RBFOX1: variants seen among roughly 807,000 people sequenced by gnomAD.
The protein encoded by RBFOX1 is RNA binding protein fox-1 homolog 1.
Under a neutral mutation model 57.7 loss-of-function variants are expected in RBFOX1, and 8 were observed. The observed-to-expected ratio is 0.14, with a 90% CI of 0.08 to 0.25. RBFOX1 has a LOEUF of 0.25. Among genes scored for constraint, RBFOX1 ranks in the 10% least tolerant of loss-of-function variants. The pLI, the probability that RBFOX1 is intolerant of heterozygous loss-of-function variation, is 1.00. For synonymous variants in RBFOX1, 326 were observed against 222.4 expected, an observed-to-expected ratio of 1.47 and a Z score of -4.15; for missense variants, 611 against 548.5, an observed-to-expected ratio of 1.11 and a Z score of -1.14.
rs71145250 is a variant in RBFOX1 at position 6,562,880 on chromosome 16, CT to C, written c.-63-91705del. Reference sequence around the variant, plus strand: ...TCTTTCTTTCTTTCTTTCTTTCTTTCTTTTTTTTTTTTTTTTTTGCATAGTT... The same window carrying C: ...TCTTTCTTTCTTTCTTTCTTTCTTTCTTTTTTTTTTTTTTTTTGCATAGTT... On this transcript the variant is annotated intron_variant, in intron 2 of 15. Coordinates refer to ENST00000550418, the MANE Select transcript of RBFOX1 (RefSeq NM_018723.4). Among the ~76,000 whole-genome samples, 222 of 51,768 alleles carry C rather than the reference CT, an allele frequency of 4.3e-3. 1 individual carries two copies. Among genetic ancestry groups the C allele is most frequent in the Non-Finnish European group, 7.1e-3 (180 of 25,314 alleles). 34.0% of individuals were successfully genotyped at this position (51,768 alleles called of 152,430 possible).
intron 1 of RBFOX1, among the ~76,000 whole-genome samples, chr16:6,111,063 C>T (rs539036379): frequency 5.9e-5 from 9 of 152,188 alleles, no homozygotes; most frequent in African/African-American, 2.2e-4. Flanking sequence ...ATGGGGAGGT[C>T]AGACCTCATG....
chr16:6,804,203 T>C (rs981968770), intron 3 of RBFOX1, among the ~76,000 whole-genome samples: 1 of 151,884 alleles, frequency 6.6e-6, no homozygotes, highest in African/African-American at 2.4e-5. Flanking sequence ...AGAGATGGGG[T>C]TTCACTTTGT....
intron 11 of RBFOX1, among the ~76,000 whole-genome samples, chr16:7,633,151 T>G (rs2061252553): frequency 1.3e-5 from 2 of 152,138 alleles, no homozygotes; most frequent in Non-Finnish European, 2.9e-5. Context: ...AAACAAAGAA[T>G]GTGCCAGAGA....
At chr16:7,650,368 A>G (rs941424066) in intron 11 of RBFOX1, among the ~76,000 whole-genome samples, 39 of 151,420 alleles carry the variant, frequency 2.6e-4, no homozygotes, top group African/African-American at 9.2e-4. Context: ...GCACTATTTA[A>G]GCCAGGAATT....
intron 5 of RBFOX1, among the ~76,000 whole-genome samples, chr16:7,535,845 G>T (rs936552704): frequency 2.0e-5 from 3 of 152,270 alleles, no homozygotes; most frequent in Admixed American, 6.5e-5. Context: ...TTTATTCTCA[G>T]TGTTAGGCAA....
chr16:7,219,766 C>G (rs1603314147), intron 4 of RBFOX1, among the ~76,000 whole-genome samples: 1 of 152,124 alleles, frequency 6.6e-6, no homozygotes, highest in Non-Finnish European at 1.5e-5. Context: ...TTTAGAAAAG[C>G]CAGACGGATA....
At chr16:7,526,753 A>G (rs1199118345) in intron 5 of RBFOX1, among the ~76,000 whole-genome samples, 1 of 152,196 alleles carries the variant, frequency 6.6e-6, no homozygotes, top group Non-Finnish European at 1.5e-5. Flanking sequence ...CACAATCTCA[A>G]CTAATCTTGG....
intron 11 of RBFOX1, among the ~76,000 whole-genome samples, chr16:7,647,484 T>A (rs935090357): frequency 6.6e-6 from 1 of 152,028 alleles, no homozygotes; most frequent in Non-Finnish European, 1.5e-5. Flanking sequence ...TCAACCTGCG[T>A]CCTTTCCATT....
intron 1 of RBFOX1, among the ~76,000 whole-genome samples, chr16:6,228,289 C>T (rs923708478): frequency 3.3e-5 from 5 of 152,068 alleles, no homozygotes; most frequent in Non-Finnish European, 7.4e-5. Flanking sequence ...TGCCACTGCC[C>T]TCCAGCCTGG....
At chr16:5,607,596 C>G (rs1596426982) in intron 3 of RBFOX1, among the ~76,000 whole-genome samples, 1 of 152,112 alleles carries the variant, frequency 6.6e-6, no homozygotes, top group East Asian at 1.9e-4. Flanking sequence ...GATGGGGTGC[C>G]TAAAATACAG....
At position 7,489,222 on chromosome 16, in the gene RBFOX1, C is replaced by G. The variant is rs989921771; in HGVS notation, c.28-28925C>G. Among the ~76,000 whole-genome samples, 5 of 152,222 alleles carry G rather than the reference C, an allele frequency of 3.3e-5. No homozygotes were observed. In the East Asian group the frequency reaches 9.7e-4, roughly 29 times the overall value. ...TTAGGTAATTTTAGGGAACGTGTAA[C>G]TGATACCTTTTTTTAAATTCAAGAG... On this transcript the variant is annotated intron_variant, in intron 4 of 15. Transcript: ENST00000550418.
At chr16:6,098,626 C>G (rs1475018643) in intron 1 of RBFOX1, among the ~76,000 whole-genome samples, 3 of 152,232 alleles carry the variant, frequency 2.0e-5, no homozygotes, top group African/African-American at 4.8e-5. Context: ...TGCACATTCT[C>G]TGTATTATCT....
At chr16:5,713,625 C>T (rs921342016) in intron 3 of RBFOX1, among the ~76,000 whole-genome samples, 1 of 152,122 alleles carries the variant, frequency 6.6e-6, no homozygotes, top group Non-Finnish European at 1.5e-5. Flanking sequence ...AAAGTACATT[C>T]TATAAGGAGC....
chr16:7,180,250 A>G (rs573956887), intron 4 of RBFOX1, among the ~76,000 whole-genome samples: 76 of 152,280 alleles, frequency 5.0e-4, no homozygotes, highest in Non-Finnish European at 7.3e-4. Flanking sequence ...TGCGTTTTAC[A>G]TATATTAACT....
intron 1 of RBFOX1, among the ~76,000 whole-genome samples, chr16:6,279,653 T>A (rs944646749): frequency 7.9e-5 from 12 of 152,186 alleles, no homozygotes; most frequent in Admixed American, 2.0e-4. Flanking sequence ...AAGAGAAACA[T>A]AAACACACTA....
At chr16:7,669,986 C>T (rs1283936643) in intron 13 of RBFOX1, among the ~76,000 whole-genome samples, 3 of 152,156 alleles carry the variant, frequency 2.0e-5, no homozygotes, top group Non-Finnish European at 4.4e-5. Context: ...CTCCTCACCA[C>T]AGCCCTTGAA....
intron 3 of RBFOX1, among the ~76,000 whole-genome samples, chr16:5,672,087 G>C (rs911591337): frequency 2.0e-5 from 3 of 152,186 alleles, no homozygotes; most frequent in African/African-American, 7.2e-5. Flanking sequence ...TGGGTTGCTG[G>C]TTAGAGGTTT....
chr16:5,407,145 A>G (rs2066889408), intron 1 of RBFOX1, among the ~76,000 whole-genome samples: 1 of 152,122 alleles, frequency 6.6e-6, no homozygotes, highest in African/African-American at 2.4e-5. Context: ...CAAGAGAGAG[A>G]CAGAGTGAAA....
At chr16:6,790,093 T>C (rs1001086294) in intron 3 of RBFOX1, among the ~76,000 whole-genome samples, 15 of 149,476 alleles carry the variant, frequency 1.0e-4, no homozygotes, top group African/African-American at 3.6e-4. Context: ...TCTATTATAT[T>C]GAAATTTTTC....
Sources: allele counts gnomAD v4.1 joint callset (sites outside exome capture counted in the v4.1 genomes callset), GRCh38; gene constraint gnomAD v4.1.1; transcripts MANE v1.5; gene names NCBI Gene and HGNC (gene_info 2026-07-23, HGNC 2026-07-21).